Variants in BMAL1 observed in about 807,000 individuals in gnomAD.
BMAL1 encodes basic helix-loop-helix ARNT like 1.
chr11:13,382,921 C>T, the BMAL1 span, among the ~76,000 whole-genome samples: 5 of 152,098 alleles, frequency 3.3e-5, no homozygotes, highest in Non-Finnish European at 7.3e-5. Context: ...TCATAAAGCC[C>T]CAGCTATTTT....
the BMAL1 span, chr11:13,380,826 G>A: frequency 1.6e-5 from 3 of 182,920 alleles, no homozygotes; most frequent in Non-Finnish European, 2.3e-5. Context: ...CCAATCCAAG[G>A]GCTTTGTCAG....
chr11:13,347,956 C>T, the BMAL1 span, among the ~76,000 whole-genome samples: 8 of 152,176 alleles, frequency 5.3e-5, no homozygotes, highest in Non-Finnish European at 1.2e-4. Context: ...GAGTGAGGCA[C>T]GAGATCAGGC....
chr11:13,277,314 C>G, the BMAL1 span, among the ~76,000 whole-genome samples: 4 of 152,166 alleles, frequency 2.6e-5, no homozygotes, highest in African/African-American at 9.7e-5. Context: ...CAAACGCCAG[C>G]CGGCAGGGGA....
chr11:13,330,513 C>T, the BMAL1 span, among the ~76,000 whole-genome samples: 26 of 152,240 alleles, frequency 1.7e-4, no homozygotes, highest in Admixed American at 5.2e-4. Flanking sequence ...TTGCCAGCAT[C>T]GGCCTGCAGC....
the BMAL1 span, among the ~76,000 whole-genome samples, chr11:13,300,890 C>T: frequency 6.6e-6 from 1 of 152,130 alleles, no homozygotes; most frequent in Non-Finnish European, 1.5e-5. Flanking sequence ...TATGTGTTGG[C>T]TTTGGAATGA....
chr11:13,350,156 G>A, the BMAL1 span: 1 of 152,188 alleles, frequency 6.6e-6, no homozygotes, highest in East Asian at 1.9e-4. Flanking sequence ...AGGAAGTGTA[G>A]TTTCTTCCAG....
the BMAL1 span, among the ~76,000 whole-genome samples, chr11:13,364,572 G>A: frequency 1.3e-5 from 2 of 152,156 alleles, no homozygotes; most frequent in Non-Finnish European, 2.9e-5. Context: ...TAAGAGCAAG[G>A]GCATGACAGA....
At chr11:13,364,968 A>G in the BMAL1 span, among the ~76,000 whole-genome samples, 1 of 152,128 alleles carries the variant, frequency 6.6e-6, no homozygotes, top group Non-Finnish European at 1.5e-5. Context: ...CCCATGCCAG[A>G]CCATCAGCAT....
chr11:13,376,369 T>C, the BMAL1 span, among the ~76,000 whole-genome samples: 2 of 152,300 alleles, frequency 1.3e-5, no homozygotes, highest in East Asian at 1.9e-4. Flanking sequence ...GAGGAGGTGC[T>C]GTAATGATGG....
the BMAL1 span, among the ~76,000 whole-genome samples, chr11:13,292,272 C>T: frequency 1.9e-3 from 290 of 151,992 alleles, no homozygotes; most frequent in Non-Finnish European, 2.8e-3. Flanking sequence ...TGGCCATCAA[C>T]GGTGGCTCAC....
At chr11:13,379,461 C>T in the BMAL1 span, 1 of 152,218 alleles carries the variant, frequency 6.6e-6, no homozygotes, top group Non-Finnish European at 1.5e-5. Flanking sequence ...GGTGTGACTT[C>T]TGCATCAGGA....
the BMAL1 span, chr11:13,365,564 C>A: frequency 6.2e-7 from 1 of 1,613,700 alleles, no homozygotes; most frequent in Non-Finnish European, 8.5e-7. Flanking sequence ...GTCTCAGAGT[C>A]TGTCTTCAAG....
chr11:13,369,570 C>A, the BMAL1 span: 1 of 1,607,972 alleles, frequency 6.2e-7, no homozygotes. Context: ...CCCCTCCTGA[C>A]AGACAACACT....
At chr11:13,279,553 A>T in the BMAL1 span, among the ~76,000 whole-genome samples, 1 of 152,216 alleles carries the variant, frequency 6.6e-6, no homozygotes, top group Non-Finnish European at 1.5e-5. Context: ...GTTTTGAATA[A>T]TATCATGCTC....
chr11:13,284,128 G>GTATA, the BMAL1 span, among the ~76,000 whole-genome samples: 2 of 58,850 alleles, frequency 3.4e-5, no homozygotes, highest in African/African-American at 1.7e-4. Flanking sequence ...ATGTGTGTGT[G>GTATA]TATATATATA....
At chr11:13,306,947 A>G in the BMAL1 span, among the ~76,000 whole-genome samples, 1 of 152,196 alleles carries the variant, frequency 6.6e-6, no homozygotes, top group African/African-American at 2.4e-5. Context: ...TCAGTTTTAC[A>G]ATCCCAGCGA....
At chr11:13,342,247 T>G in the BMAL1 span, among the ~76,000 whole-genome samples, 1 of 152,054 alleles carries the variant, frequency 6.6e-6, no homozygotes, top group Non-Finnish European at 1.5e-5. Context: ...GCCAGGCCAG[T>G]GAGCACGCAC....
chr11:13,342,933 A>G, the BMAL1 span, among the ~76,000 whole-genome samples: 1 of 152,204 alleles, frequency 6.6e-6, no homozygotes, highest in East Asian at 1.9e-4. Context: ...AACATTAGCT[A>G]GTTGTCTTAT....
the BMAL1 span, among the ~76,000 whole-genome samples, chr11:13,319,056 C>T: frequency 1.8e-4 from 28 of 152,276 alleles, no homozygotes; most frequent in South Asian, 2.3e-3. Context: ...CCCTCAACCA[C>T]GACATAGATA....
Sources: gnomAD v4.1 joint callset for allele counts (sites outside exome capture counted in the v4.1 genomes callset) on GRCh38, gnomAD v4.1.1 for gene constraint, MANE v1.5 for transcripts, NCBI Gene and HGNC (gene_info 2026-07-23, HGNC 2026-07-21) for gene names.